Variants in KRT8 observed in about 807,000 individuals in gnomAD.
KRT8 encodes keratin, type II cytoskeletal 8.
In KRT8, 24 loss-of-function variants were observed where a neutral mutation model predicts 43.0. That is an observed-to-expected ratio of 0.56 (90% confidence interval 0.40 to 0.78). KRT8 has a LOEUF of 0.78. KRT8 is among the 30% of genes least tolerant of loss of function. The pLI is 0.00. For synonymous variants in KRT8, 214 were observed against 261.2 expected (o/e 0.82, Z 1.74); for missense variants, 492 against 638.4 (o/e 0.77, Z 2.47).
At chr12:52,904,926 G>T (rs750392549) in exon 1 of KRT8, 7 of 1,612,336 alleles carry the variant, frequency 4.3e-6, no homozygotes, top group Middle Eastern at 1.7e-4. Flanking sequence ...GCTGCTGAAG[G>T]CCCGGGGGCC....
At chr12:52,938,176 TTTTTTTTTTA>T (rs1470827956) in intron 2 of KRT8, among the ~76,000 whole-genome samples, 2 of 47,666 alleles carry the variant, frequency 4.2e-5, no homozygotes, top group African/African-American at 1.7e-4. Context: ...ATATATTTTT[TTTTTTTTTTA>T]TATATAAGGT....
At chr12:52,942,312 A>G (rs1487590719) in intron 2 of KRT8, among the ~76,000 whole-genome samples, 2 of 152,172 alleles carry the variant, frequency 1.3e-5, no homozygotes, top group African/African-American at 2.4e-5. Flanking sequence ...CAACTTAGGC[A>G]CCCAACTTGA....
chr12:52,938,136 C>CCATATATATA (rs1363488675), intron 2 of KRT8, among the ~76,000 whole-genome samples: 1 of 44,050 alleles, frequency 2.3e-5, no homozygotes, highest in African/African-American at 8.2e-5. Flanking sequence ...CACTAGAAAG[C>CCATATATATA]TATATATATA....
chr12:52,897,605 C>T (rs372829377), exon 8 of KRT8: 52 of 1,598,110 alleles, frequency 3.3e-5, no homozygotes, highest in Non-Finnish European at 4.2e-5. Flanking sequence ...CCCCATAGGC[C>T]GAGCTCAGAC....
chr12:52,933,167 A>G (rs1942112206), intron 2 of KRT8, among the ~76,000 whole-genome samples: 1 of 152,028 alleles, frequency 6.6e-6, no homozygotes, highest in African/African-American at 2.4e-5. Flanking sequence ...GCTGGTCTTG[A>G]ACTCCTGACC....
At chr12:52,944,648 G>A (rs1254371970) in intron 2 of KRT8, among the ~76,000 whole-genome samples, 4 of 152,186 alleles carry the variant, frequency 2.6e-5, no homozygotes, top group South Asian at 2.1e-4. Flanking sequence ...GAGCTTCAGC[G>A]CCTGGAGGTT....
chr12:52,922,200 A>G (rs1326710989), intron 2 of KRT8, among the ~76,000 whole-genome samples: 7 of 147,134 alleles, frequency 4.8e-5, no homozygotes, highest in Non-Finnish European at 4.5e-5. Flanking sequence ...AAAAAAAAAA[A>G]AAAAAAAAAA....
chr12:52,915,831 C>T (rs1376546270), intron 2 of KRT8, among the ~76,000 whole-genome samples: 1 of 152,110 alleles, frequency 6.6e-6, no homozygotes, highest in Non-Finnish European at 1.5e-5. Context: ...ACCAGAGAAG[C>T]CAGGTATAAA....
chr12:52,942,834 T>C (rs1942288741), intron 2 of KRT8, among the ~76,000 whole-genome samples: 3 of 152,098 alleles, frequency 2.0e-5, no homozygotes, highest in Admixed American at 2.0e-4. Flanking sequence ...TTATGCCTCA[T>C]GGTTAGAACA....
intron 2 of KRT8, among the ~76,000 whole-genome samples, chr12:52,924,448 CAAAA>C (rs67999410): frequency 1.8e-5 from 2 of 110,992 alleles, no homozygotes; most frequent in Admixed American, 9.3e-5. Flanking sequence ...GACTCCGTCT[CAAAA>C]AAAAAAAAAA....
intron 1 of KRT8, among the ~76,000 whole-genome samples, chr12:52,903,093 ACT>A (rs1257425961): frequency 6.6e-6 from 1 of 151,910 alleles, no homozygotes; most frequent in African/African-American, 2.4e-5. Flanking sequence ...TCCCTCCACC[ACT>A]CTCTGCAAAT....
chr12:52,921,788 G>C (rs1054887510), intron 2 of KRT8, among the ~76,000 whole-genome samples: 1 of 152,026 alleles, frequency 6.6e-6, no homozygotes, highest in Non-Finnish European at 1.5e-5. Context: ...TCCTTAAGGT[G>C]GTAAAGCTTT....
chr12:52,918,180 G>GAAGAAGAAGAAGAAGAAGAAGGAGAA, intron 2 of KRT8, among the ~76,000 whole-genome samples: 1 of 73,718 alleles, frequency 1.4e-5, no homozygotes, highest in African/African-American at 6.1e-5. Context: ...AAGAGGAAGA[G>GAAGAAGAAGAAGAAGAAGAAGGAGAA]GAAGAAGAAG....
At chr12:52,928,499 T>G (rs1358923049) in intron 2 of KRT8, among the ~76,000 whole-genome samples, 1 of 152,084 alleles carries the variant, frequency 6.6e-6, no homozygotes, top group Non-Finnish European at 1.5e-5. Context: ...CACAGAACCT[T>G]GTCTCATCAA....
upstream of KRT8, among the ~76,000 whole-genome samples, chr12:52,905,293 A>G (rs17120212): frequency 0.018 from 2,704 of 152,244 alleles, 166 homozygotes; most frequent in Admixed American, 0.13. Flanking sequence ...AAGGCAGTTC[A>G]GTGAATATGA....
intron 2 of KRT8, among the ~76,000 whole-genome samples, chr12:52,934,141 A>T (rs992789840): frequency 2.8e-4 from 43 of 151,842 alleles, no homozygotes; most frequent in Admixed American, 2.7e-3. Context: ...AGGCAGGAGA[A>T]TTGCTTGAAC....
intron 2 of KRT8, among the ~76,000 whole-genome samples, chr12:52,927,821 G>A (rs184969604): frequency 1.4e-4 from 22 of 152,306 alleles, no homozygotes; most frequent in Admixed American, 8.5e-4. Flanking sequence ...GCTCACTCCC[G>A]TAATCCCAGC....
At chr12:52,909,224 AG>A (rs1364961468), upstream of KRT8, among the ~76,000 whole-genome samples, 2 of 152,230 alleles carry the variant, frequency 1.3e-5, no homozygotes, top group Non-Finnish European at 2.9e-5. Flanking sequence ...ATAAGGGGTC[AG>A]GGGAAAGAAG....
upstream of KRT8, chr12:52,905,113 G>T (rs879034751): frequency 3.5e-6 from 5 of 1,447,612 alleles, no homozygotes; most frequent in African/African-American, 1.4e-5. Context: ...CCGGGGGATG[G>T]GGGGGAAAGG....
Sources: gnomAD v4.1 joint callset for allele counts (sites outside exome capture counted in the v4.1 genomes callset) on GRCh38, gnomAD v4.1.1 for gene constraint, MANE v1.5 for transcripts, NCBI Gene and HGNC (gene_info 2026-07-23, HGNC 2026-07-21) for gene names.